ZMYM2: variants seen among roughly 807,000 people sequenced by gnomAD.
ZMYM2 encodes the protein zinc finger MYM-type containing 2, also known as zinc finger MYM-type protein 2.
A neutral mutation model predicts 162.8 loss-of-function variants in ZMYM2; 56 were observed. The observed-to-expected ratio is 0.34, with a 90% confidence interval of 0.28 to 0.43. The LOEUF (loss-of-function observed/expected upper bound fraction) is 0.43, where lower values mean the gene tolerates loss of function less well. Ranked by LOEUF, ZMYM2 falls within the 20% of genes least tolerant of loss-of-function variation. The pLI, the probability that ZMYM2 is intolerant of heterozygous loss-of-function variation, is 1.00. For missense variants in ZMYM2, 1,275 were observed against 1,621.8 expected, an observed-to-expected ratio of 0.79 and a Z score of 3.67; for synonymous variants, 510 against 541.6, an observed-to-expected ratio of 0.94 and a Z score of 0.81.
the ZMYM2 span, among the ~76,000 whole-genome samples, chr13:19,886,457 C>G: frequency 4.6e-5 from 7 of 151,904 alleles, 1 homozygote; most frequent in South Asian, 1.2e-3. Context: ...GCCACTGCGC[C>G]CAGCGAAAAC....
At chr13:20,029,888 C>T (rs1398303319) in intron 9 of ZMYM2, among the ~76,000 whole-genome samples, 4 of 151,656 alleles carry the variant, frequency 2.6e-5, no homozygotes, top group Non-Finnish European at 5.9e-5. Flanking sequence ...ATCTCTGCCT[C>T]CTGGGTTCAA....
chr13:20,008,632 A>G (rs562438948), intron 6 of ZMYM2, among the ~76,000 whole-genome samples: 1 of 152,200 alleles, frequency 6.6e-6, no homozygotes, highest in East Asian at 1.9e-4. Flanking sequence ...AGAATAAACT[A>G]TGCCAGATAA....
the ZMYM2 span, among the ~76,000 whole-genome samples, chr13:19,885,823 G>A: frequency 7.2e-6 from 1 of 138,638 alleles, no homozygotes; most frequent in Non-Finnish European, 1.5e-5. Context: ...CTCCAGCCTG[G>A]GCAACAAGAG....
At chr13:19,901,033 T>A in the ZMYM2 span, among the ~76,000 whole-genome samples, 34 of 152,230 alleles carry the variant, frequency 2.2e-4, no homozygotes, top group African/African-American at 7.9e-4. Flanking sequence ...TCTCAAAATG[T>A]CTTCATGTAG....
intron 3 of ZMYM2, among the ~76,000 whole-genome samples, chr13:19,994,858 G>C (rs116176803): frequency 0.012 from 1,788 of 151,686 alleles, 46 homozygotes; most frequent in African/African-American, 0.041. Flanking sequence ...TTTGGGACAG[G>C]GTCTCTCTCT....
intron 5 of ZMYM2, among the ~76,000 whole-genome samples, chr13:20,005,903 G>T (rs923125509): frequency 1.3e-5 from 2 of 151,992 alleles, no homozygotes; most frequent in Non-Finnish European, 2.9e-5. Flanking sequence ...TGCCATACAT[G>T]TGTTCCTGTG....
chr13:19,881,258 T>C, the ZMYM2 span, among the ~76,000 whole-genome samples: 1 of 152,184 alleles, frequency 6.6e-6, no homozygotes, highest in Non-Finnish European at 1.5e-5. Context: ...TCTTTACAAC[T>C]TGAATGCCCT....
At chr13:19,896,869 T>G in the ZMYM2 span, among the ~76,000 whole-genome samples, 1 of 150,242 alleles carries the variant, frequency 6.7e-6, no homozygotes, top group Non-Finnish European at 1.5e-5. Flanking sequence ...CATCAGGAGT[T>G]CGAGACCAGC....
upstream of ZMYM2, among the ~76,000 whole-genome samples, chr13:19,956,325 C>T (rs1954517832): frequency 6.6e-6 from 1 of 152,198 alleles, no homozygotes; most frequent in South Asian, 2.1e-4. Flanking sequence ...GAACTTCACT[C>T]CTCTTTAGGT....
chr13:20,027,173 C>G, intron 8 of ZMYM2, 30 bp from the exon 9 acceptor site: 1 of 1,473,902 alleles, frequency 6.8e-7, no homozygotes, highest in Non-Finnish European at 9.1e-7. Context: ...ACTTTATAAA[C>G]AAATCAGATA....
chr13:19,867,154 A>G, the ZMYM2 span, among the ~76,000 whole-genome samples: 62 of 152,070 alleles, frequency 4.1e-4, no homozygotes, highest in African/African-American at 1.4e-3. Flanking sequence ...GGAGTTCGAG[A>G]CCAGCCTGAC....
chr13:19,965,123 TA>T, intron 2 of ZMYM2: 1 of 575,854 alleles, frequency 1.7e-6, no homozygotes, highest in Non-Finnish European at 2.5e-6. Context: ...ATAGCTATTC[TA>T]AGTAACATTG....
At chr13:19,914,096 C>T in the ZMYM2 span, among the ~76,000 whole-genome samples, 14 of 152,134 alleles carry the variant, frequency 9.2e-5, no homozygotes, top group Admixed American at 6.6e-4. Flanking sequence ...ATTCCTGGGC[C>T]GTGGCCAGTG....
chr13:19,925,582 T>A, the ZMYM2 span, among the ~76,000 whole-genome samples: 2 of 152,064 alleles, frequency 1.3e-5, no homozygotes, highest in Non-Finnish European at 2.9e-5. Flanking sequence ...GTATCAAAGG[T>A]GTAATACTGG....
intron 2 of ZMYM2, among the ~76,000 whole-genome samples, chr13:19,976,271 T>C (rs1956779051): frequency 6.7e-6 from 1 of 150,044 alleles, no homozygotes; most frequent in Non-Finnish European, 1.5e-5. Context: ...GAGGTTGCAG[T>C]GAGCCAGGAT....
chr13:20,063,870 A>ATATACATAC (rs1956448364), intron 18 of ZMYM2, among the ~76,000 whole-genome samples: 1 of 143,906 alleles, frequency 6.9e-6, no homozygotes, highest in East Asian at 2.0e-4. Context: ...ATAATATATA[A>ATATACATAC]ATATATACAA....
upstream of ZMYM2, among the ~76,000 whole-genome samples, chr13:19,955,272 A>T (rs1312498918): frequency 6.6e-6 from 1 of 152,150 alleles, no homozygotes; most frequent in Non-Finnish European, 1.5e-5. Context: ...TATGAATGAT[A>T]AAAACAACTA....
chr13:19,956,600 T>G (rs1954529316), upstream of ZMYM2, among the ~76,000 whole-genome samples: 1 of 152,240 alleles, frequency 6.6e-6, no homozygotes, highest in African/African-American at 2.4e-5. Context: ...TGTACCTGAA[T>G]GAATTTAAAA....
At chr13:19,906,310 A>G in the ZMYM2 span, among the ~76,000 whole-genome samples, 2 of 116,016 alleles carry the variant, frequency 1.7e-5, no homozygotes, top group African/African-American at 6.8e-5. Flanking sequence ...ATATATATAT[A>G]TATATATATA....
Sources: gnomAD v4.1 joint callset for allele counts (sites outside exome capture counted in the v4.1 genomes callset) on GRCh38, gnomAD v4.1.1 for gene constraint, MANE v1.5 for transcripts, NCBI Gene and HGNC (gene_info 2026-07-23, HGNC 2026-07-21) for gene names.